CHD7: variants seen among roughly 807,000 people sequenced by gnomAD.
The protein encoded by CHD7 is chromodomain helicase DNA binding protein 7, also known as ATP-dependent chromatin remodeler CHD7.
In CHD7, 24 loss-of-function variants were observed where a neutral mutation model predicts 307.3. The observed-to-expected ratio is 0.08, with a 90% CI of 0.06 to 0.11. The LOEUF (loss-of-function observed/expected upper bound fraction) is 0.11, where lower values mean the gene tolerates loss of function less well. Ranked by LOEUF, CHD7 falls within the 10% of genes least tolerant of loss-of-function variation. The pLI is 1.00. For synonymous variants in CHD7, 1,363 were observed against 1,349.9 expected (o/e 1.01, Z -0.21); for missense variants, 3,106 against 3,727.1 (o/e 0.83, Z 4.34).
chr8:60,792,321 C>G (rs1189325736), intron 3 of CHD7, among the ~76,000 whole-genome samples: 1 of 152,134 alleles, frequency 6.6e-6, no homozygotes, highest in African/African-American at 2.4e-5. Context: ...AGAATAGTAG[C>G]AAAGGCAATT....
chr8:60,841,146 A>G (rs1420244281), intron 19 of CHD7, among the ~76,000 whole-genome samples: 2 of 152,202 alleles, frequency 1.3e-5, no homozygotes, highest in Non-Finnish European at 2.9e-5. Context: ...CTCTGTTAAC[A>G]TATACAGACA....
At position 60,851,089 on chromosome 8, in the gene CHD7, C is replaced by A; in HGVS notation, c.5592C>A (p.Phe1864Leu). The A allele has an allele frequency of 6.4e-7, 1 of 1,570,456 alleles. No homozygotes were observed. The highest frequency in any genetic ancestry group is 8.6e-7 in the Non-Finnish European group (1 of 1,156,408). Residue 1864 changes from phenylalanine to leucine, a missense_variant, in exon 27 of 38, where the codon TTC becomes TTA. Around this residue, in one of 10 missense-constraint regions of CHD7, gnomAD observed 1,030 missense variants for 1,165.4 expected, o/e 0.88. Coordinates refer to ENST00000423902, the MANE Select transcript of CHD7 (RefSeq NM_017780.4). ...DPEYKPTRTPFKDEIDEFANS... is the reference protein window; with the variant it reads ...DPEYKPTRTPLKDEIDEFANS... ...AATATAAACCAACCAGAACACCGTT[C>A]AAAGATGAAATAGATGTATGAACTT...
chr8:60,768,545 C>T (rs1006926193), intron 2 of CHD7, among the ~76,000 whole-genome samples: 1 of 152,230 alleles, frequency 6.6e-6, no homozygotes, highest in South Asian at 2.1e-4. Flanking sequence ...AGACCCTGCC[C>T]TCCAACTTGT....
At chr8:60,845,141 G>C (rs1044989392) in intron 22 of CHD7, 78 bp downstream of exon 22, 2 of 1,582,530 alleles carry the variant, frequency 1.3e-6, no homozygotes, top group African/African-American at 2.7e-5. Context: ...TTGATAAAGA[G>C]ATGTGACATA....
chr8:60,860,369 A>G (rs914824787), intron 34 of CHD7, among the ~76,000 whole-genome samples: 1 of 152,236 alleles, frequency 6.6e-6, no homozygotes, highest in African/African-American at 2.4e-5. Context: ...TTAGTGGACT[A>G]TAAATTTTTT....
At chr8:60,743,517 C>T (rs1385556226) in intron 2 of CHD7, among the ~76,000 whole-genome samples, 1 of 152,208 alleles carries the variant, frequency 6.6e-6, no homozygotes, top group East Asian at 1.9e-4. Flanking sequence ...TCCTCCATCT[C>T]TCCTTTTATA....
intron 35 of CHD7, chr8:60,861,927 C>A: frequency 8.3e-6 from 2 of 241,996 alleles, no homozygotes; most frequent in South Asian, 7.8e-5. Flanking sequence ...AGTATCATGA[C>A]TTGGTTAAAC....
chr8:60,737,503 G>C (rs1054381708), intron 1 of CHD7, among the ~76,000 whole-genome samples: 1 of 152,172 alleles, frequency 6.6e-6, no homozygotes, highest in Non-Finnish European at 1.5e-5. Context: ...GGATTAGAAG[G>C]TCTTCAGAGT....
At chr8:60,761,045 A>G (rs1188972871) in intron 2 of CHD7, among the ~76,000 whole-genome samples, 2 of 152,140 alleles carry the variant, frequency 1.3e-5, no homozygotes, top group Non-Finnish European at 2.9e-5. Flanking sequence ...ATGCACACGT[A>G]TGTTTACTGC....
chr8:60,833,123 A>G (rs887994423), intron 15 of CHD7, among the ~76,000 whole-genome samples: 2 of 152,228 alleles, frequency 1.3e-5, no homozygotes, highest in African/African-American at 4.8e-5. Flanking sequence ...ACATATATCC[A>G]GCATTTAAAA....
chr8:60,841,874 G>C lies in CHD7; in HGVS notation c.4672G>C (p.Val1558Leu). 6.2e-7 allele frequency: 1 copy of C among 1,608,934 alleles called. No homozygotes were observed. Among genetic ancestry groups the C allele is most frequent in the South Asian group, 1.1e-5 (1 of 90,294 alleles). Residue 1558 changes from valine (V) to leucine (L), a missense_variant, in exon 21 of 38, where the codon GTG (valine) becomes CTG (leucine). Around this residue, in one of 10 missense-constraint regions of CHD7, gnomAD observed 122 missense variants for 124.5 expected, o/e 0.98. Coordinates refer to ENST00000423902, the MANE Select transcript of CHD7 (RefSeq NM_017780.4). Reference protein sequence around the residue: ...RNNLVIDTPRVRKQTRLYSAV... With the variant: ...RNNLVIDTPRLRKQTRLYSAV... ...CAACCTGGTTATTGATACTCCAAGA[G>C]TGAGAAAGCAGACCAGGCTCTACAG... is the stretch of plus-strand genomic sequence containing the variant.
chr8:60,688,091 G>A (rs980062501), intron 1 of CHD7, among the ~76,000 whole-genome samples: 4 of 152,072 alleles, frequency 2.6e-5, no homozygotes, highest in African/African-American at 4.8e-5. Flanking sequence ...GGATGTCTTC[G>A]TACCTAAAAC....
chr8:60,761,759 G>A (rs1462836608), intron 2 of CHD7, among the ~76,000 whole-genome samples: 1 of 151,856 alleles, frequency 6.6e-6, no homozygotes, highest in Non-Finnish European at 1.5e-5. Flanking sequence ...ATGTTTTTTG[G>A]AGTGCTACCA....
At chr8:60,792,816 G>A (rs1337708063) in intron 3 of CHD7, among the ~76,000 whole-genome samples, 1 of 152,154 alleles carries the variant, frequency 6.6e-6, no homozygotes, top group African/African-American at 2.4e-5. Flanking sequence ...TGAAAAGCGC[G>A]AGCTGCCAAC....
At chr8:60,786,314 C>T (rs988669479) in intron 3 of CHD7, among the ~76,000 whole-genome samples, 15 of 152,182 alleles carry the variant, frequency 9.9e-5, no homozygotes, top group Admixed American at 2.0e-4. Context: ...GTACAGACCC[C>T]GGTGTCTTTG....
At chr8:60,693,758 G>A (rs529838048) in intron 1 of CHD7, among the ~76,000 whole-genome samples, 1 of 152,364 alleles carries the variant, frequency 6.6e-6, no homozygotes, top group African/African-American at 2.4e-5. Flanking sequence ...GGTTAGCCTA[G>A]TGCTTTTGTA....
At position 60,856,622 on chromosome 8, in the gene CHD7, T is replaced by C; in HGVS notation, c.7342T>C (p.Ser2448Pro). 6.2e-7 allele frequency: 1 copy of C among 1,614,020 alleles called. No homozygotes were observed. Among genetic ancestry groups the C allele is most frequent in the South Asian group, 1.1e-5 (1 of 91,080 alleles). Residue 2448 changes from serine to proline, a missense_variant, in exon 34 of 38, where the codon TCA becomes CCA. Physicochemically the swap from Ser to Pro is moderately conservative, Grantham distance 74. This residue lies in a region of CHD7 where 1,030 missense variants were observed against 1,165.4 expected (regional missense o/e 0.88). Coordinates refer to ENST00000423902, the MANE Select transcript of CHD7 (RefSeq NM_017780.4). ...AAAAGTTGTAGATTTATCAAAGGCC[T>C]CAAGAGAGGCAACAAGCTCTACCTC... ...QEKVVDLSKA[S>P]REATSSTSNF... is the part of the protein sequence containing the mutation.
intron 3 of CHD7, among the ~76,000 whole-genome samples, chr8:60,791,026 G>A (rs1811749951): frequency 6.6e-6 from 1 of 152,154 alleles, no homozygotes; most frequent in Non-Finnish European, 1.5e-5. Flanking sequence ...ATGCCTGGAA[G>A]CATAAGAGGC....
intron 1 of CHD7, among the ~76,000 whole-genome samples, chr8:60,703,972 C>A (rs561176823): frequency 2.6e-5 from 4 of 152,106 alleles, no homozygotes; most frequent in Admixed American, 6.5e-5. Flanking sequence ...TCATCCAGTT[C>A]TTTTGTTCCT....
Sources: gnomAD v4.1 joint callset for allele counts (sites outside exome capture counted in the v4.1 genomes callset) on GRCh38, gnomAD v4.1.1 for gene constraint, gnomAD v4.1.1 regional missense constraint, MANE v1.5 for transcripts, NCBI Gene and HGNC (gene_info 2026-07-23, HGNC 2026-07-21) for gene names.